Variants in PTPRT observed in about 807,000 individuals in gnomAD.
PTPRT encodes receptor-type tyrosine-protein phosphatase T.
Under a neutral mutation model 176.8 loss-of-function variants are expected in PTPRT, and 56 were observed. The ratio of observed to expected loss-of-function variants is 0.32; its 90% CI spans 0.26 to 0.40. The LOEUF (loss-of-function observed/expected upper bound fraction) is 0.40, where lower values mean the gene tolerates loss of function less well. Among genes scored for constraint, PTPRT ranks in the 10% least tolerant of loss-of-function variants. The pLI is 1.00. For synonymous variants in PTPRT, 783 were observed against 739.0 expected, an observed-to-expected ratio of 1.06 and a Z score of -0.96; for missense variants, 1,540 against 1,908.2, an observed-to-expected ratio of 0.81 and a Z score of 3.60.
intron 13 of PTPRT, among the ~76,000 whole-genome samples, chr20:42,255,344 TGGAGGGAAA>T (rs1326202476): frequency 1.3e-5 from 2 of 152,164 alleles, no homozygotes; most frequent in African/African-American, 4.8e-5. Flanking sequence ...AATGTAATAA[TGGAGGGAAA>T]AATGCTTGAT....
intron 1 of PTPRT, among the ~76,000 whole-genome samples, chr20:42,954,033 CA>C (rs965797679): frequency 6.6e-6 from 1 of 152,090 alleles, no homozygotes; most frequent in African/African-American, 2.4e-5. Flanking sequence ...GGAGATGTCA[CA>C]GGGGGAGGAG....
rs373345921 is a variant in PTPRT at position 42,889,540 on chromosome 20, C to T, written c.89-3608G>A. On this transcript the variant is annotated intron_variant, in intron 1 of 30. Coordinates refer to ENST00000373187, the MANE Select transcript of PTPRT (RefSeq NM_007050.6). Reference sequence around the variant, plus strand: ...TGCATTCAGGACAGAAAATGGGGACCGTAAGGTCACTCTGGGGACCTTAAT... The same window carrying T: ...TGCATTCAGGACAGAAAATGGGGACTGTAAGGTCACTCTGGGGACCTTAAT... Among the ~76,000 whole-genome samples the T allele has an allele frequency of 6.6e-5, 10 of 152,248 alleles. No homozygotes were observed. The East Asian group carries it at 1.4e-3, about 21-fold the overall frequency.
At chr20:42,135,235 A>G (rs1317004658) in intron 18 of PTPRT, among the ~76,000 whole-genome samples, 3 of 152,258 alleles carry the variant, frequency 2.0e-5, no homozygotes, top group Admixed American at 6.5e-5. Context: ...CTGTTTACCC[A>G]GCTATAACAT....
chr20:42,620,968 G>A (rs528273099), intron 7 of PTPRT, among the ~76,000 whole-genome samples: 5 of 152,108 alleles, frequency 3.3e-5, no homozygotes, highest in South Asian at 4.1e-4. Flanking sequence ...CTCCTCCCCC[G>A]AAACTTTCGT....
At chr20:42,841,668 C>G (rs1053912607) in intron 2 of PTPRT, among the ~76,000 whole-genome samples, 1 of 150,442 alleles carries the variant, frequency 6.6e-6, no homozygotes, top group Non-Finnish European at 1.5e-5. Flanking sequence ...CATAATCTCT[C>G]TCTCCATTTT....
chr20:42,100,681 C>T (rs997240102), intron 26 of PTPRT, among the ~76,000 whole-genome samples: 3 of 152,118 alleles, frequency 2.0e-5, no homozygotes, highest in Admixed American at 6.5e-5. Flanking sequence ...GAAGTATGGG[C>T]GCACCCCTAG....
At chr20:42,133,645 T>C (rs920168417) in intron 18 of PTPRT, among the ~76,000 whole-genome samples, 2 of 152,176 alleles carry the variant, frequency 1.3e-5, no homozygotes, top group Non-Finnish European at 2.9e-5. Flanking sequence ...TCAAATCCTA[T>C]AGAACTGTAC....
At position 42,273,001 on chromosome 20, in the gene PTPRT, C is replaced by A. The variant is rs1368172617; in HGVS notation, c.2176+9488G>T. Among the ~76,000 whole-genome samples the A allele has an allele frequency of 6.6e-5, 10 of 152,304 alleles. 1 individual carries two copies. Among genetic ancestry groups the A allele is most frequent in the South Asian group, 6.2e-4 (3 of 4,826 alleles). ...TCAGTGATCACACATTCTGAAATAG[C>A]ATACCCTAAGTTGATTTATGTCTCC... On this transcript the variant is annotated intron_variant, in intron 13 of 30. Coordinates refer to ENST00000373187, the MANE Select transcript of PTPRT (RefSeq NM_007050.6).
rs749480089 is a variant in PTPRT, at chr20:42,565,958, C to G, written c.1154-93396G>C. 1.4e-4 allele frequency among the ~76,000 whole-genome samples: 21 copies of G among 152,050 alleles called. 1 individual carries two copies. Among genetic ancestry groups the G allele is most frequent in the Non-Finnish European group, 2.8e-4 (19 of 68,004 alleles). ...ATGGCAGAGACGACTTGCTCTCTCCCAAATTCACTCTCACCTTCCATCACA... is the reference window on the plus strand; with the variant it reads ...ATGGCAGAGACGACTTGCTCTCTCCGAAATTCACTCTCACCTTCCATCACA... On this transcript the variant is annotated intron_variant, in intron 7 of 30. Coordinates refer to ENST00000373187, the MANE Select transcript of PTPRT (RefSeq NM_007050.6).
intron 1 of PTPRT, among the ~76,000 whole-genome samples, chr20:42,963,056 C>A (rs1228609375): frequency 6.6e-6 from 1 of 151,960 alleles, no homozygotes; most frequent in South Asian, 2.1e-4. Context: ...AAAAATTAGC[C>A]GGGCATGGTG....
rs575418173 is a variant in PTPRT, at chr20:42,825,317, G to T, written c.215-33851C>A. Among the ~76,000 whole-genome samples, 5 of 152,170 alleles carry T rather than the reference G, an allele frequency of 3.3e-5. No homozygotes were observed. In the East Asian group the frequency reaches 9.6e-4, roughly 29 times the overall value. On this transcript the variant is annotated intron_variant, in intron 2 of 30. Transcript: ENST00000373187. Reference sequence around the variant, plus strand: ...TCACGACAGTATTACTGTACTGAAAGACTGAAAGCAATTTCAACACCCAAG... The same window carrying T: ...TCACGACAGTATTACTGTACTGAAATACTGAAAGCAATTTCAACACCCAAG...
intron 8 of PTPRT, among the ~76,000 whole-genome samples, chr20:42,463,237 T>C (rs6130140): frequency 0.076 from 11,627 of 152,224 alleles, 666 homozygotes; most frequent in East Asian, 0.18. Flanking sequence ...TTTTTTGTCT[T>C]ATCTTCTAAT....
At chr20:42,726,718 C>T (rs1182490786) in intron 6 of PTPRT, among the ~76,000 whole-genome samples, 1 of 152,184 alleles carries the variant, frequency 6.6e-6, no homozygotes, top group African/African-American at 2.4e-5. Context: ...CACAGTAGGG[C>T]CTCGGGCTCT....
At chr20:43,047,451 G>A (rs191102510) in intron 1 of PTPRT, among the ~76,000 whole-genome samples, 24 of 152,196 alleles carry the variant, frequency 1.6e-4, no homozygotes, top group Admixed American at 5.9e-4. Context: ...TTCTTGGGTC[G>A]CTTAAGCAAG....
At chr20:42,627,017 T>C (rs2074302330) in intron 7 of PTPRT, among the ~76,000 whole-genome samples, 1 of 152,150 alleles carries the variant, frequency 6.6e-6, no homozygotes, top group African/African-American at 2.4e-5. Flanking sequence ...CTGTAAAGGG[T>C]CATCAATTTC....
intron 7 of PTPRT, among the ~76,000 whole-genome samples, chr20:42,659,438 A>G (rs1437607249): frequency 1.3e-5 from 2 of 152,240 alleles, no homozygotes; most frequent in African/African-American, 4.8e-5. Context: ...TTACCTTGAT[A>G]GCCACACCTA....
chr20:42,335,575 A>C (rs1179798560), intron 11 of PTPRT, among the ~76,000 whole-genome samples: 1 of 152,208 alleles, frequency 6.6e-6, no homozygotes, highest in African/African-American at 2.4e-5. Context: ...TATAAGAAAA[A>C]AAATTCAAAG....
intron 9 of PTPRT, among the ~76,000 whole-genome samples, chr20:42,434,999 C>CA (rs375337174): frequency 5.5e-5 from 8 of 146,250 alleles, no homozygotes; most frequent in East Asian, 2.0e-4. Flanking sequence ...ACAAAAACAA[C>CA]AAAAAAAAGA....
chr20:42,574,991 C>A (rs2073230090), intron 7 of PTPRT, among the ~76,000 whole-genome samples: 1 of 152,154 alleles, frequency 6.6e-6, no homozygotes. Context: ...CCTCCCCAGC[C>A]ATGCAGAACT....
Sources: gnomAD v4.1 joint callset for allele counts (sites outside exome capture counted in the v4.1 genomes callset) on GRCh38, gnomAD v4.1.1 for gene constraint, MANE v1.5 for transcripts, NCBI Gene and HGNC (gene_info 2026-07-23, HGNC 2026-07-21) for gene names.